The following SPATA6 variants were observed in gnomAD, a reference collection of about 807,000 sequenced individuals.
SPATA6 encodes spermatogenesis associated 6.
SPATA6 carries 56 observed loss-of-function variants against 65.3 expected under a neutral mutation model. That is an observed-to-expected ratio of 0.86 (90% CI 0.69 to 1.07). SPATA6 has a LOEUF of 1.07. Ranked by LOEUF, SPATA6 falls within the 50% of genes least tolerant of loss-of-function variation. The probability of loss-of-function intolerance (pLI) is 0.00; values close to 1 mark genes in which losing one functional copy is unlikely to be tolerated. For synonymous variants in SPATA6, 199 were observed against 213.2 expected, an observed-to-expected ratio of 0.93 and a Z score of 0.58; for missense variants, 590 against 594.8, an observed-to-expected ratio of 0.99 and a Z score of 0.08.
chr1:48,328,473 T>C (rs1388299782), intron 11 of SPATA6, among the ~76,000 whole-genome samples: 1 of 152,174 alleles, frequency 6.6e-6, no homozygotes, highest in Non-Finnish European at 1.5e-5. Flanking sequence ...GGCAAGCCTT[T>C]AATATATTAT....
At chr1:48,431,002 T>C (rs574023142) in intron 3 of SPATA6, among the ~76,000 whole-genome samples, 11 of 152,206 alleles carry the variant, frequency 7.2e-5, no homozygotes, top group African/African-American at 2.6e-4. Flanking sequence ...ACATATGACC[T>C]GGGGATATGC....
chr1:48,396,636 A>G (rs898081281), intron 7 of SPATA6, among the ~76,000 whole-genome samples: 8 of 151,742 alleles, frequency 5.3e-5, no homozygotes, highest in Non-Finnish European at 8.9e-5. Context: ...ACCTTTATGA[A>G]TATTATACTA....
At chr1:48,311,750 T>G (rs1333958725) in intron 11 of SPATA6, among the ~76,000 whole-genome samples, 1 of 152,106 alleles carries the variant, frequency 6.6e-6, no homozygotes, top group Non-Finnish European at 1.5e-5. Context: ...GCACCGAGCG[T>G]GAGCCGAAGC....
chr1:48,411,954 C>A lies in SPATA6; in HGVS notation c.281-366G>T, dbSNP rs945827608. On this transcript the variant is annotated intron_variant, in intron 4 of 12. Coordinates refer to ENST00000371847, the MANE Select transcript of SPATA6 (RefSeq NM_019073.4). ...TCTCAGCTCACTGCAACCTCCACCC[C>A]ACCCTGGGTTCAAGTGATTCTCCTC... Among the ~76,000 whole-genome samples the A allele has an allele frequency of 3.3e-5, 5 of 152,014 alleles. No individual in the cohort carries two copies. The East Asian group carries it at 5.8e-4, about 18-fold the overall frequency.
chr1:48,288,881 A>G, the SPATA6 span, among the ~76,000 whole-genome samples: 2 of 152,246 alleles, frequency 1.3e-5, no homozygotes, highest in East Asian at 1.9e-4. Context: ...CTGCAGCTCA[A>G]CGAGGCCTGC....
chr1:48,316,595 G>A (rs1485894373), intron 11 of SPATA6, among the ~76,000 whole-genome samples: 1 of 152,054 alleles, frequency 6.6e-6, no homozygotes, highest in Non-Finnish European at 1.5e-5. Context: ...GAAAACCTAG[G>A]CAATACCATT....
chr1:48,280,022 A>C, the SPATA6 span, among the ~76,000 whole-genome samples: 1 of 152,280 alleles, frequency 6.6e-6, no homozygotes, highest in Non-Finnish European at 1.5e-5. Context: ...CTCAGGATTA[A>C]GAAACTCACT....
intron 7 of SPATA6, 179 bp downstream of exon 7, chr1:48,399,172 T>G (rs1392337692): frequency 1.4e-6 from 1 of 707,210 alleles, no homozygotes; most frequent in African/African-American, 1.8e-5. Context: ...GTCTGAAGAC[T>G]GAAAAAAAGC....
chr1:48,323,167 C>T (rs1345104326), intron 11 of SPATA6, among the ~76,000 whole-genome samples: 3 of 152,182 alleles, frequency 2.0e-5, no homozygotes, highest in Non-Finnish European at 4.4e-5. Flanking sequence ...TTGGAACCAA[C>T]CCAAATGCCC....
the SPATA6 span, among the ~76,000 whole-genome samples, chr1:48,277,271 T>C: frequency 6.6e-6 from 1 of 152,218 alleles, no homozygotes; most frequent in Non-Finnish European, 1.5e-5. Flanking sequence ...GGGTGATTTC[T>C]GCATTTCCAT....
In SPATA6 at chr1:48,403,831, G is replaced by GACATTCA; in HGVS notation, c.450_456dup (p.Leu153Ter). The GACATTCA allele has an allele frequency of 1.2e-6, 2 of 1,609,438 alleles. No individual in the cohort carries two copies. Among genetic ancestry groups the GACATTCA allele is most frequent in the Non-Finnish European group, 1.7e-6 (2 of 1,178,202 alleles). Reference sequence around the variant, plus strand: ...GTGTGGCATTTCCTTGAACTTATCAGACATTCAGTAATCACTGAAGTCGTA... The same window carrying GACATTCA: ...GTGTGGCATTTCCTTGAACTTATCAGACATTCAACATTCAGTAATCACTGAAGTCGTA... On this transcript the variant is annotated stop_gained and frameshift_variant, in exon 6 of 13. Coordinates refer to ENST00000371847, the MANE Select transcript of SPATA6 (RefSeq NM_019073.4). LOFTEE classifies it high-confidence loss of function.
At chr1:48,386,973 G>A (rs761658441) in intron 8 of SPATA6, among the ~76,000 whole-genome samples, 7 of 152,270 alleles carry the variant, frequency 4.6e-5, no homozygotes, top group East Asian at 1.9e-4. Context: ...TTACACTGCC[G>A]ATAAAGACAT....
At position 48,366,824 on chromosome 1, in the gene SPATA6, T is replaced by C. The variant is rs564511554; in HGVS notation, c.910-7054A>G. Among the ~76,000 whole-genome samples the C allele has an allele frequency of 3.3e-3, 503 of 152,332 alleles. 2 individuals are homozygous for C. The highest frequency in any genetic ancestry group is 0.011 in the African/African-American group (475 of 41,574). ...GTTCTGCTCTGATTTTAGTTATTTC[T>C]TGCCTTCTGCTAGCTTTTGAATGTG... On this transcript the variant is annotated intron_variant, in intron 9 of 12. Transcript: ENST00000371847.
intron 12 of SPATA6, among the ~76,000 whole-genome samples, chr1:48,301,342 A>G (rs544651563): frequency 3.9e-5 from 6 of 152,182 alleles, no homozygotes. Flanking sequence ...AAACTATAAA[A>G]CACTGATGAA....
chr1:48,287,624 C>A, the SPATA6 span, among the ~76,000 whole-genome samples: 1 of 152,218 alleles, frequency 6.6e-6, no homozygotes, highest in African/African-American at 2.4e-5. Context: ...CTCTCTCTTG[C>A]TCCCTTTCTT....
At chr1:48,355,566 T>G in intron 11 of SPATA6, 104 bp downstream of exon 11, 1 of 764,944 alleles carries the variant, frequency 1.3e-6, no homozygotes, top group Non-Finnish European at 2.0e-6. Context: ...TTGCTTGCTT[T>G]CTTTTTTTCT....
In SPATA6 at chr1:48,428,974, C is replaced by A. The variant is rs572349336; in HGVS notation, c.239-15823G>T. On this transcript the variant is annotated intron_variant, in intron 3 of 12. Transcript: ENST00000371847. ...AAGACTAGAGTCTATCAAAGGTTTG[C>A]AACTTCCAGGGGAAGGCTTCAACTA... 2.6e-5 allele frequency among the ~76,000 whole-genome samples: 4 copies of A among 151,794 alleles called. No homozygotes were observed. In the East Asian group the frequency reaches 7.8e-4, roughly 29 times the overall value.
intron 9 of SPATA6, among the ~76,000 whole-genome samples, chr1:48,366,844 A>G (rs974123241): frequency 6.6e-6 from 1 of 151,890 alleles, no homozygotes; most frequent in African/African-American, 2.4e-5. Context: ...CTAGCTTTTG[A>G]ATGTGTTTGC....
intron 9 of SPATA6, among the ~76,000 whole-genome samples, chr1:48,365,016 T>C (rs957517207): frequency 5.9e-5 from 9 of 152,244 alleles, no homozygotes; most frequent in African/African-American, 1.7e-4. Context: ...TTTCTACATA[T>C]GGCTAGCCAG....
Sources: allele counts gnomAD v4.1 joint callset (sites outside exome capture counted in the v4.1 genomes callset), GRCh38; gene constraint gnomAD v4.1.1; transcripts MANE v1.5; gene names NCBI Gene and HGNC (gene_info 2026-07-23, HGNC 2026-07-21).